The following EPYC variants were observed in gnomAD, a reference collection of about 807,000 sequenced individuals.
EPYC encodes dermatan sulfate proteoglycan 3.
A neutral mutation model predicts 30.1 loss-of-function variants in EPYC; 28 were observed. That is an observed-to-expected ratio of 0.93 (90% CI 0.69 to 1.28). The LOEUF (loss-of-function observed/expected upper bound fraction) is 1.28, where lower values mean the gene tolerates loss of function less well. EPYC is among the 50% of genes most tolerant of loss of function. EPYC has a pLI of 0.00. For synonymous variants in EPYC, 144 were observed against 141.4 expected, an observed-to-expected ratio of 1.02 and a Z score of -0.13; for missense variants, 382 against 383.5, an observed-to-expected ratio of 1.00 and a Z score of 0.03.
intron 2 of EPYC, among the ~76,000 whole-genome samples, chr12:91,001,555 A>G (rs1410767341): frequency 6.6e-6 from 1 of 152,154 alleles, no homozygotes; most frequent in East Asian, 1.9e-4. Context: ...TTTAATTAGG[A>G]ACATGTCATA....
intron 3 of EPYC, among the ~76,000 whole-genome samples, chr12:90,975,259 T>TATTCTAAATATATAGATATAA (rs1455343337): frequency 6.6e-6 from 1 of 152,082 alleles, no homozygotes; most frequent in East Asian, 1.9e-4. Flanking sequence ...CTTCTATATA[T>TATTCTAAATATATAGATATAA]TTATCACCTT....
At chr12:91,002,634 T>C in intron 1 of EPYC, 56 bp from the exon 2 acceptor site, 2 of 1,342,272 alleles carry the variant, frequency 1.5e-6, no homozygotes, top group Non-Finnish European at 2.0e-6. Context: ...ATGAATAGTT[T>C]GCACTAAATA....
Position 90,978,265 on chromosome 12 carries a change from G to GAAA in EPYC, c.166-6_166-4dup, listed in dbSNP as rs66600255. 63 of 1,357,346 alleles carry GAAA rather than the reference G, an allele frequency of 4.6e-5. No homozygotes were observed. The highest frequency in any genetic ancestry group is 2.2e-4 in the South Asian group (16 of 71,302). The allele number at this position is 1,357,346 out of a possible 1,614,324, so 84.1% of individuals were successfully genotyped here. ...GGCATCACTGTGGCTATTTCAATCT[G>GAAA]AAAAAAAAAAAAAAAAGAGAATTTC... On this transcript the variant is annotated splice_polypyrimidine_tract_variant and splice_region_variant and intron_variant, in intron 2 of 6. Transcript: ENST00000261172.
At chr12:90,983,048 T>C (rs531434013) in intron 2 of EPYC, among the ~76,000 whole-genome samples, 5 of 152,296 alleles carry the variant, frequency 3.3e-5, no homozygotes, top group African/African-American at 1.2e-4. Context: ...TTTGTAATTT[T>C]TTAAGGAAAC....
At chr12:90,974,038 T>TCA (rs560408641) in intron 3 of EPYC, among the ~76,000 whole-genome samples, 6,401 of 140,388 alleles carry the variant, frequency 0.046, 130 homozygotes, top group African/African-American at 0.058. Context: ...TTACACACAC[T>TCA]CACACACACA....
At chr12:90,973,830 G>A (rs1000826335) in intron 3 of EPYC, among the ~76,000 whole-genome samples, 5 of 152,082 alleles carry the variant, frequency 3.3e-5, no homozygotes, top group South Asian at 2.1e-4. Context: ...GATGGGCAGA[G>A]GTATCATACG....
intron 3 of EPYC, among the ~76,000 whole-genome samples, chr12:90,973,679 A>G (rs940992839): frequency 1.3e-5 from 2 of 152,170 alleles, no homozygotes; most frequent in Admixed American, 1.3e-4. Context: ...TATGCCAGGC[A>G]GAGGAAGCAG....
intron 3 of EPYC, among the ~76,000 whole-genome samples, chr12:90,973,918 A>G (rs970539600): frequency 6.6e-6 from 1 of 152,102 alleles, no homozygotes; most frequent in African/African-American, 2.4e-5. Context: ...GAAAAAGTGG[A>G]AGTGAATCAT....
chr12:90,978,113 C>T lies in EPYC; in HGVS notation c.315G>A (p.Gly105=). The part of the protein sequence containing the change: ...GSSPQEPEFT[G]VLGPHTNEDF... ...CTTCATTTGTGTGTGGCCCCAGAAC[C>T]CCTGTGAATTCAGGCTCCTGGGGAG... Residue 105 remains glycine, a synonymous_variant, in exon 3 of 7, where the codon GGG becomes GGA. Transcript: ENST00000261172. The T allele has an allele frequency of 6.3e-7, 1 of 1,586,004 alleles. No homozygotes were observed. The highest frequency in any genetic ancestry group is 8.5e-7 in the Non-Finnish European group (1 of 1,170,268).
chr12:90,983,285 A>G (rs1303859063), intron 2 of EPYC, among the ~76,000 whole-genome samples: 1 of 152,172 alleles, frequency 6.6e-6, no homozygotes, highest in African/African-American at 2.4e-5. Context: ...TACAGTTGTA[A>G]CTACTAACAG....
chr12:90,976,589 G>A (rs183044909), intron 3 of EPYC, among the ~76,000 whole-genome samples: 1 of 152,192 alleles, frequency 6.6e-6, no homozygotes, highest in African/African-American at 2.4e-5. Flanking sequence ...CCTGTACTTT[G>A]CTCTTAGTCA....
chr12:90,978,225 T>C lies in EPYC; in HGVS notation c.203A>G (p.Glu68Gly), dbSNP rs1348618596. 1 of 1,597,698 alleles carries C rather than the reference T, an allele frequency of 6.3e-7. No homozygotes were observed. Among genetic ancestry groups the C allele is most frequent in the Non-Finnish European group, 8.5e-7 (1 of 1,174,272 alleles). Reference sequence around the variant, plus strand: ...AGGCTGTGGGGGTGGAGTGAGGAGCTCTCTGTTCCCTGAAGGCATCACTGT... The same window carrying C: ...AGGCTGTGGGGGTGGAGTGAGGAGCCCTCTGTTCCCTGAAGGCATCACTGT... ...IATVMPSGNR[E>G]LLTPPPQPEK... Residue 68 changes from glutamate (E) to glycine (G), a missense_variant, in exon 3 of 7, where the codon GAG becomes GGG. Coordinates refer to ENST00000261172, the MANE Select transcript of EPYC (RefSeq NM_004950.5).
At chr12:90,993,048 C>A (rs1920762) in intron 2 of EPYC, among the ~76,000 whole-genome samples, 109,669 of 152,072 alleles carry the variant, frequency 0.72, 41,493 homozygotes, top group Non-Finnish European at 0.83. Context: ...TGAGGCTAAA[C>A]CAAGTTGGTT....
At chr12:90,993,796 T>C (rs1592630842) in intron 2 of EPYC, among the ~76,000 whole-genome samples, 2 of 151,954 alleles carry the variant, frequency 1.3e-5, no homozygotes. Context: ...CTAAGATTTA[T>C]ATTTTCATCT....
At chr12:90,983,623 G>A (rs776474030) in intron 2 of EPYC, among the ~76,000 whole-genome samples, 6 of 152,000 alleles carry the variant, frequency 3.9e-5, no homozygotes, top group Admixed American at 6.6e-5. Context: ...GCAGCCATGC[G>A]AGGAACTCTC....
chr12:90,975,445 T>A (rs971966053), intron 3 of EPYC, among the ~76,000 whole-genome samples: 1 of 152,084 alleles, frequency 6.6e-6, no homozygotes, highest in Non-Finnish European at 1.5e-5. Context: ...ATTCTAAATA[T>A]TTCTAAACTA....
chr12:90,979,621 A>T (rs1263668721), intron 2 of EPYC, among the ~76,000 whole-genome samples: 3 of 152,126 alleles, frequency 2.0e-5, no homozygotes, highest in Non-Finnish European at 4.4e-5. Context: ...TATATTTCTG[A>T]ATTGTGCATC....
At chr12:90,970,019 G>A in intron 6 of EPYC, 25 bp downstream of exon 6, 1 of 1,566,206 alleles carries the variant, frequency 6.4e-7, no homozygotes, top group Non-Finnish European at 8.8e-7. Context: ...AAGCCCTTGG[G>A]CGCACCTTAC....
intron 2 of EPYC, among the ~76,000 whole-genome samples, chr12:90,986,377 A>T (rs112288190): frequency 1.9e-3 from 292 of 152,240 alleles, no homozygotes; most frequent in African/African-American, 6.4e-3. Context: ...CAACACCCCA[A>T]TTCTAGGAGT....
Sources: allele counts gnomAD v4.1 joint callset (sites outside exome capture counted in the v4.1 genomes callset), GRCh38; gene constraint gnomAD v4.1.1; transcripts MANE v1.5; gene names NCBI Gene and HGNC (gene_info 2026-07-23, HGNC 2026-07-21).